NRG3: variants seen among roughly 807,000 people sequenced by gnomAD.
NRG3 encodes the protein pro-neuregulin-3, membrane-bound isoform.
A neutral mutation model predicts 66.9 loss-of-function variants in NRG3; 31 were observed. The observed-to-expected ratio is 0.46, with a 90% confidence interval of 0.35 to 0.63. The LOEUF (loss-of-function observed/expected upper bound fraction) is 0.63. Ranked by LOEUF, NRG3 falls within the 20% of genes least tolerant of loss-of-function variation. The probability of loss-of-function intolerance (pLI) is 0.00; values close to 1 mark genes in which losing one functional copy is unlikely to be tolerated. For synonymous variants in NRG3, 393 were observed against 359.4 expected (o/e 1.09, Z -1.06); for missense variants, 910 against 878.9 (o/e 1.04, Z -0.45).
intron 1 of NRG3, among the ~76,000 whole-genome samples, chr10:81,899,884 C>A (rs929468286): frequency 1.1e-4 from 17 of 152,058 alleles, no homozygotes; most frequent in African/African-American, 4.1e-4. Flanking sequence ...CATCTGGTTC[C>A]CAAAAACAAA....
intron 4 of NRG3, among the ~76,000 whole-genome samples, chr10:82,889,376 T>A (rs1371196980): frequency 6.6e-6 from 1 of 152,154 alleles, no homozygotes. Flanking sequence ...GTTTTGAACT[T>A]CTTAGAATGA....
chr10:82,157,163 A>G (rs2071257875), intron 1 of NRG3, among the ~76,000 whole-genome samples: 1 of 151,884 alleles, frequency 6.6e-6, no homozygotes, highest in African/African-American at 2.4e-5. Flanking sequence ...GAAATGAAGT[A>G]TATTTTCTTA....
At chr10:82,547,327 T>C (rs2043982863) in intron 2 of NRG3, among the ~76,000 whole-genome samples, 1 of 151,806 alleles carries the variant, frequency 6.6e-6, no homozygotes, top group South Asian at 2.1e-4. Flanking sequence ...TAGAAATATA[T>C]ACACACCATC....
intron 2 of NRG3, among the ~76,000 whole-genome samples, chr10:82,595,940 C>T (rs2047249229): frequency 1.3e-5 from 2 of 151,990 alleles, no homozygotes; most frequent in Admixed American, 1.3e-4. Context: ...TTGAGAGGCT[C>T]AAATGAGAAA....
intron 1 of NRG3, among the ~76,000 whole-genome samples, chr10:82,161,469 C>A (rs766268623): frequency 6.6e-6 from 1 of 151,900 alleles, no homozygotes; most frequent in African/African-American, 2.4e-5. Context: ...TTTTTTTGTA[C>A]CTTTAGTAGG....
intron 1 of NRG3, among the ~76,000 whole-genome samples, chr10:82,287,184 G>A (rs1167435698): frequency 1.3e-5 from 2 of 151,986 alleles, no homozygotes; most frequent in Non-Finnish European, 1.5e-5. Context: ...TTTGGGTCAT[G>A]GGGCAGGTCC....
intron 1 of NRG3, among the ~76,000 whole-genome samples, chr10:82,052,270 A>G (rs2881608): frequency 0.35 from 53,456 of 152,022 alleles, 10,849 homozygotes; most frequent in South Asian, 0.51. Context: ...GAACTTCATT[A>G]ACATCAACTT....
At chr10:82,473,500 A>G (rs1841468053) in intron 2 of NRG3, among the ~76,000 whole-genome samples, 1 of 152,222 alleles carries the variant, frequency 6.6e-6, no homozygotes. Context: ...ACCAGCAACT[A>G]GAAACGGACT....
intron 1 of NRG3, among the ~76,000 whole-genome samples, chr10:82,274,930 A>G (rs1046200283): frequency 6.6e-6 from 1 of 152,052 alleles, no homozygotes; most frequent in East Asian, 1.9e-4. Context: ...TCCAAACTTC[A>G]TGCCTTCCAC....
intron 3 of NRG3, among the ~76,000 whole-genome samples, chr10:82,755,550 G>T (rs2059043057): frequency 6.6e-6 from 1 of 152,092 alleles, no homozygotes; most frequent in African/African-American, 2.4e-5. Context: ...TCAGGCTGCA[G>T]CAGAATAAGG....
intron 2 of NRG3, among the ~76,000 whole-genome samples, chr10:82,382,753 A>G (rs2085706232): frequency 6.6e-6 from 1 of 152,050 alleles, no homozygotes; most frequent in Non-Finnish European, 1.5e-5. Context: ...ATGCATATGT[A>G]TAAATATATT....
intron 1 of NRG3, among the ~76,000 whole-genome samples, chr10:82,316,548 T>C (rs1285132079): frequency 1.3e-5 from 2 of 152,090 alleles, no homozygotes; most frequent in African/African-American, 4.8e-5. Flanking sequence ...AATGAAGGGG[T>C]GGGACCAGAA....
intron 4 of NRG3, among the ~76,000 whole-genome samples, chr10:82,930,975 G>A (rs966854478): frequency 1.3e-5 from 2 of 152,158 alleles, no homozygotes; most frequent in African/African-American, 4.8e-5. Context: ...ACTGTCATTT[G>A]GAAGTGACAG....
chr10:82,759,120 T>C (rs1024410039), intron 3 of NRG3, among the ~76,000 whole-genome samples: 47 of 152,046 alleles, frequency 3.1e-4, no homozygotes, highest in African/African-American at 1.1e-3. Context: ...TACAAGTAAG[T>C]TCTCCATCTA....
chr10:82,891,581 G>T (rs1416803758), intron 4 of NRG3, among the ~76,000 whole-genome samples: 1 of 151,694 alleles, frequency 6.6e-6, no homozygotes, highest in Non-Finnish European at 1.5e-5. Flanking sequence ...TTCATTTTAT[G>T]CTCATTATCG....
In NRG3 at chr10:82,125,442, A is replaced by G. The variant is rs190642249; in HGVS notation, c.824-233297A>G. 1.8e-3 allele frequency among the ~76,000 whole-genome samples: 273 copies of G among 152,226 alleles called. 3 individuals are homozygous for G. Among genetic ancestry groups the G allele is most frequent in the Non-Finnish European group, 3.2e-3 (220 of 67,996 alleles). On this transcript the variant is annotated intron_variant, in intron 1 of 8. Coordinates refer to ENST00000372141, the MANE Select transcript of NRG3 (RefSeq NM_001010848.4). ...ATTCTAAGTGGATGTCATTTAATCAACATAAATCATGGCTGTATATATTTA... is the reference window on the plus strand; with the variant it reads ...ATTCTAAGTGGATGTCATTTAATCAGCATAAATCATGGCTGTATATATTTA...
At chr10:82,667,131 G>A (rs776159326) in intron 2 of NRG3, among the ~76,000 whole-genome samples, 1 of 152,184 alleles carries the variant, frequency 6.6e-6, no homozygotes, top group Non-Finnish European at 1.5e-5. Flanking sequence ...ACACAAAAAT[G>A]AGGGACTATA....
intron 4 of NRG3, among the ~76,000 whole-genome samples, chr10:82,884,685 T>C (rs1192304867): frequency 1.3e-5 from 2 of 152,280 alleles, no homozygotes; most frequent in East Asian, 3.9e-4. Context: ...AACTGATCAT[T>C]ATTTTCCCAT....
chr10:82,546,492 G>A (rs1004987511), intron 2 of NRG3, among the ~76,000 whole-genome samples: 1 of 152,068 alleles, frequency 6.6e-6, no homozygotes, highest in Non-Finnish European at 1.5e-5. Flanking sequence ...TTCTTTATAT[G>A]TGTTAATATG....
Sources: allele counts gnomAD v4.1 joint callset (sites outside exome capture counted in the v4.1 genomes callset), GRCh38; gene constraint gnomAD v4.1.1; transcripts MANE v1.5; gene names NCBI Gene and HGNC (gene_info 2026-07-23, HGNC 2026-07-21).